The following KCNAB1 variants were observed in gnomAD, a reference collection of about 807,000 sequenced individuals.
KCNAB1 encodes the protein potassium voltage-gated channel subfamily A regulatory beta subunit 1, also known as voltage-gated potassium channel subunit beta-1.
A neutral mutation model predicts 64.6 loss-of-function variants in KCNAB1; 35 were observed. The observed-to-expected ratio is 0.54, with a 90% CI of 0.41 to 0.72. The LOEUF is 0.72. KCNAB1 is among the 30% of genes least tolerant of loss of function. The pLI, the probability that KCNAB1 is intolerant of heterozygous loss-of-function variation, is 0.00. For missense variants in KCNAB1, 401 were observed against 512.9 expected (o/e 0.78, Z 2.11); for synonymous variants, 177 against 183.8 (o/e 0.96, Z 0.30).
intron 1 of KCNAB1, among the ~76,000 whole-genome samples, chr3:156,339,772 G>C (rs1350515094): frequency 6.6e-6 from 1 of 152,172 alleles, no homozygotes; most frequent in Admixed American, 6.5e-5. Flanking sequence ...CCCATTGGAG[G>C]GGGAGGGGGC....
chr3:156,524,450 A>G (rs1559929945), intron 12 of KCNAB1, among the ~76,000 whole-genome samples: 1 of 152,190 alleles, frequency 6.6e-6, no homozygotes, highest in Non-Finnish European at 1.5e-5. Flanking sequence ...GCTGGTAACA[A>G]TTGAAAACCA....
intron 13 of KCNAB1, among the ~76,000 whole-genome samples, chr3:156,534,759 C>T (rs905915774): frequency 6.6e-6 from 1 of 152,222 alleles, no homozygotes; most frequent in Non-Finnish European, 1.5e-5. Context: ...AACCCACCAC[C>T]TATCCCAGGC....
At chr3:156,313,679 G>A (rs890282357) in intron 1 of KCNAB1, among the ~76,000 whole-genome samples, 1 of 152,236 alleles carries the variant, frequency 6.6e-6, no homozygotes, top group African/African-American at 2.4e-5. Context: ...CTTGACTTTA[G>A]CAAGTCAAGA....
intron 1 of KCNAB1, among the ~76,000 whole-genome samples, chr3:156,325,064 G>A (rs1481421547): frequency 6.6e-6 from 1 of 152,006 alleles, no homozygotes; most frequent in Non-Finnish European, 1.5e-5. Context: ...ATTTATGGAG[G>A]GTTTGTTATA....
intron 1 of KCNAB1, among the ~76,000 whole-genome samples, chr3:156,366,178 T>C (rs932536517): frequency 2.6e-5 from 4 of 152,226 alleles, no homozygotes; most frequent in Non-Finnish European, 4.4e-5. Flanking sequence ...GGCAAACTGA[T>C]GGTTTGCAGT....
chr3:156,372,906 T>C (rs1726412008), intron 1 of KCNAB1, among the ~76,000 whole-genome samples: 1 of 152,234 alleles, frequency 6.6e-6, no homozygotes, highest in African/African-American at 2.4e-5. Flanking sequence ...CTACAGCCTC[T>C]CTCAGGTCCT....
At chr3:156,488,028 C>T (rs1457305228) in intron 8 of KCNAB1, among the ~76,000 whole-genome samples, 1 of 152,074 alleles carries the variant, frequency 6.6e-6, no homozygotes, top group African/African-American at 2.4e-5. Flanking sequence ...TTTTAAATGT[C>T]ACCATATAGT....
At chr3:156,130,078 C>T (rs1462135172) in intron 1 of KCNAB1, among the ~76,000 whole-genome samples, 1 of 152,152 alleles carries the variant, frequency 6.6e-6, no homozygotes, top group African/African-American at 2.4e-5. Flanking sequence ...CCTCTCCAAG[C>T]CTTGATTTTG....
intron 8 of KCNAB1, among the ~76,000 whole-genome samples, chr3:156,485,249 T>C (rs1715114089): frequency 6.6e-6 from 1 of 152,146 alleles, no homozygotes; most frequent in South Asian, 2.1e-4. Flanking sequence ...TAGCTCTTTC[T>C]TCCCCCAACT....
chr3:156,147,737 A>G (rs1287332832), intron 1 of KCNAB1, among the ~76,000 whole-genome samples: 1 of 152,186 alleles, frequency 6.6e-6, no homozygotes, highest in East Asian at 1.9e-4. Context: ...GATGGGCCTT[A>G]AGGATAATCT....
chr3:156,171,679 A>C (rs2096959987), intron 1 of KCNAB1, among the ~76,000 whole-genome samples: 1 of 152,192 alleles, frequency 6.6e-6, no homozygotes. Context: ...TGTGCTGTTC[A>C]AAGTGTTTAT....
chr3:156,134,101 C>T (rs1714155210), intron 1 of KCNAB1, among the ~76,000 whole-genome samples: 1 of 152,142 alleles, frequency 6.6e-6, no homozygotes, highest in Non-Finnish European at 1.5e-5. Flanking sequence ...AGTGTCAAGG[C>T]TTTATTTTAA....
intron 1 of KCNAB1, among the ~76,000 whole-genome samples, chr3:156,144,250 A>G (rs939917428): frequency 1.3e-5 from 2 of 152,230 alleles, no homozygotes; most frequent in African/African-American, 4.8e-5. Flanking sequence ...CAGTTGTCCT[A>G]GCTCATATCA....
chr3:156,450,871 C>G (rs543048474), intron 2 of KCNAB1, among the ~76,000 whole-genome samples: 1 of 150,100 alleles, frequency 6.7e-6, no homozygotes. Context: ...CCACCCCCCC[C>G]CAAAAAAAAG....
rs111577794 is a variant in KCNAB1, at chr3:156,132,850, T to A, written c.275+11964T>A. ...GGAGACAGTGTGGTTTTGAATGTAA[T>A]GTTGTTAAATAAAATTGCATATCCT... On this transcript the variant is annotated intron_variant, in intron 1 of 13. Coordinates refer to ENST00000490337, the MANE Select transcript of KCNAB1 (RefSeq NM_172160.3). 1.7e-4 allele frequency among the ~76,000 whole-genome samples: 26 copies of A among 152,332 alleles called. 1 individual carries two copies. Among genetic ancestry groups the A allele is most frequent in the African/African-American group, 6.3e-4 (26 of 41,584 alleles).
At chr3:156,422,302 G>C (rs543614035) in intron 2 of KCNAB1, among the ~76,000 whole-genome samples, 1 of 152,310 alleles carries the variant, frequency 6.6e-6, no homozygotes, top group Non-Finnish European at 1.5e-5. Context: ...ACATCCCTTA[G>C]GCCCAGGAAA....
At chr3:156,182,523 G>A (rs1016108000) in intron 1 of KCNAB1, among the ~76,000 whole-genome samples, 1 of 151,854 alleles carries the variant, frequency 6.6e-6, no homozygotes, top group Non-Finnish European at 1.5e-5. Context: ...TCCTCAGGTG[G>A]ACACTTCTTC....
intron 1 of KCNAB1, among the ~76,000 whole-genome samples, chr3:156,177,887 G>A (rs935201829): frequency 4.6e-5 from 7 of 151,344 alleles, no homozygotes; most frequent in African/African-American, 1.7e-4. Flanking sequence ...ATAGGCGCCC[G>A]CCATCATGCT....
At chr3:156,407,097 T>C (rs1055709023) in intron 1 of KCNAB1, among the ~76,000 whole-genome samples, 2 of 152,204 alleles carry the variant, frequency 1.3e-5, no homozygotes. Context: ...TTCTGTCTAC[T>C]CTGTCGTGAT....
Sources: gnomAD v4.1 joint callset for allele counts (sites outside exome capture counted in the v4.1 genomes callset) on GRCh38, gnomAD v4.1.1 for gene constraint, MANE v1.5 for transcripts, NCBI Gene and HGNC (gene_info 2026-07-23, HGNC 2026-07-21) for gene names.